The following SLC25A42 variants were observed in gnomAD, a reference collection of about 807,000 sequenced individuals.
SLC25A42 encodes the protein solute carrier family 25 member 42.
SLC25A42 carries 19 observed loss-of-function variants against 34.7 expected under a neutral mutation model. That is an observed-to-expected ratio of 0.55 (90% CI 0.38 to 0.80). The LOEUF is 0.80. Among genes scored for constraint, SLC25A42 ranks in the 30% least tolerant of loss-of-function variants. The pLI is 0.00. For missense variants in SLC25A42, 364 were observed against 441.3 expected (o/e 0.82, Z 1.57); for synonymous variants, 205 against 191.2 (o/e 1.07, Z -0.59).
intron 1 of SLC25A42, among the ~76,000 whole-genome samples, chr19:19,072,151 C>A (rs765161442): frequency 6.6e-6 from 1 of 152,076 alleles, no homozygotes; most frequent in South Asian, 2.1e-4. Flanking sequence ...CTGTGCCTGG[C>A]GAATGTGTAC....
At chr19:19,065,891 C>G (rs2059599606) in intron 1 of SLC25A42, among the ~76,000 whole-genome samples, 1 of 152,122 alleles carries the variant, frequency 6.6e-6, no homozygotes, top group African/African-American at 2.4e-5. Context: ...GAGTCTTGCT[C>G]TGTTGCCCAG....
chr19:19,070,499 C>T (rs8103431), intron 1 of SLC25A42, among the ~76,000 whole-genome samples: 126,579 of 151,770 alleles, frequency 0.83, 52,889 homozygotes, highest in East Asian at 0.89. Context: ...GGTTTTGCCA[C>T]GTTGGCCAGG....
At chr19:19,066,978 C>T (rs2059605921) in intron 1 of SLC25A42, among the ~76,000 whole-genome samples, 1 of 145,300 alleles carries the variant, frequency 6.9e-6, no homozygotes, top group African/African-American at 2.6e-5. Flanking sequence ...AATCATGCCA[C>T]TGCACTCCTC....
chr19:19,106,662 G>T, intron 6 of SLC25A42: 1 of 202,392 alleles, frequency 4.9e-6, no homozygotes. Flanking sequence ...GCCGGGCACG[G>T]TGGCTCACGC....
chr19:19,101,611 G>C (rs1480700317), intron 2 of SLC25A42, among the ~76,000 whole-genome samples, 170 bp from the exon 3 acceptor site: 1 of 152,200 alleles, frequency 6.6e-6, no homozygotes, highest in African/African-American at 2.4e-5. Flanking sequence ...AGGCTCTGTG[G>C]CCTGTGGACC....
chr19:19,110,454 T>G (rs1295659464), intron 7 of SLC25A42, 115 bp from the exon 8 acceptor site: 2 of 773,720 alleles, frequency 2.6e-6, no homozygotes, highest in Non-Finnish European at 3.7e-6. Context: ...GGGGTGCAAG[T>G]GCATGTGTGT....
chr19:19,103,670 C>T (rs1284341273), intron 3 of SLC25A42, among the ~76,000 whole-genome samples: 1 of 152,160 alleles, frequency 6.6e-6, no homozygotes, highest in Non-Finnish European at 1.5e-5. Flanking sequence ...TGCCTAGGGC[C>T]CAGAAGCAAG....
chr19:19,106,287 T>G lies in SLC25A42; in HGVS notation c.399T>G (p.Pro133=). ...GFRGEALPPW[P]RLFAGALAGT... is the part of the protein sequence containing the mutation. ...TGTTCAGAGCCCTGCCCCCTTGGCC[T>G]CGCCTCTTCGCCGGCGCACTGGCTG... The change falls in exon 6 of 8, where the codon CCT becomes CCG. Residue 133 remains proline (P), a synonymous_variant. Transcript: ENST00000318596. 1 of 1,612,520 alleles carries G rather than the reference T, an allele frequency of 6.2e-7. No homozygotes were observed. The highest frequency in any genetic ancestry group is 1.7e-5 in the Admixed American group (1 of 60,014).
chr19:19,106,162 C>T, intron 5 of SLC25A42, 107 bp from the exon 6 acceptor site: 1 of 948,762 alleles, frequency 1.1e-6, no homozygotes, highest in South Asian at 1.5e-5. Flanking sequence ...CCTCGGTCCC[C>T]ACCCCTGTCC....
intron 1 of SLC25A42, among the ~76,000 whole-genome samples, chr19:19,091,722 A>G (rs1197026856): frequency 2.0e-5 from 3 of 152,084 alleles, no homozygotes; most frequent in Non-Finnish European, 4.4e-5. Context: ...ACAGAAAATT[A>G]AAAACTTAGC....
chr19:19,079,047 A>AT (rs2059668928), intron 1 of SLC25A42, among the ~76,000 whole-genome samples: 1 of 149,744 alleles, frequency 6.7e-6, no homozygotes, highest in Non-Finnish European at 1.5e-5. Flanking sequence ...TTTTTAGACA[A>AT]TTTTTTATTT....
Position 19,107,876 on chromosome 19 carries a change from G to A in SLC25A42, c.498-18G>A, listed in dbSNP as rs768132807. Reference sequence around the variant, plus strand: ...GGGAGGCCTGAGTCCCACCTGCTGGGCTGCTCTGTCCTGGCAGGTACAGCA... The same window carrying A: ...GGGAGGCCTGAGTCCCACCTGCTGGACTGCTCTGTCCTGGCAGGTACAGCA... On this transcript the variant is annotated intron_variant, in intron 6 of 7. Coordinates refer to ENST00000318596, the MANE Select transcript of SLC25A42 (RefSeq NM_178526.5). The A allele has an allele frequency of 5.0e-6, 8 of 1,613,698 alleles. No homozygotes were observed. The highest frequency in any genetic ancestry group is 6.8e-6 in the Non-Finnish European group (8 of 1,179,892).
At chr19:19,092,847 G>T (rs2145913516) in intron 1 of SLC25A42, among the ~76,000 whole-genome samples, 1 of 152,296 alleles carries the variant, frequency 6.6e-6, no homozygotes, top group East Asian at 1.9e-4. Flanking sequence ...AGCCCCCAGG[G>T]TCTGTAGCGG....
rs766278588 is a variant in SLC25A42 at position 19,106,302 on chromosome 19, C to G, written c.414C>G (p.Gly138=). The change falls in exon 6 of 8, where the codon GGC becomes GGG. Residue 138 remains glycine (G), a synonymous_variant. Transcript: ENST00000318596. ...CCCCTTGGCCTCGCCTCTTCGCCGG[C>G]GCACTGGCTGGAACGACAGCCGCTT... ...ALPPWPRLFA[G]ALAGTTAASL... 1.9e-6 allele frequency: 3 copies of G among 1,613,194 alleles called. No individual in the cohort carries two copies. Among genetic ancestry groups the G allele is most frequent in the Non-Finnish European group, 2.5e-6 (3 of 1,179,950 alleles).
chr19:19,071,291 G>A (rs1472514350), intron 1 of SLC25A42, among the ~76,000 whole-genome samples: 1 of 152,120 alleles, frequency 6.6e-6, no homozygotes, highest in Non-Finnish European at 1.5e-5. Flanking sequence ...AGAGGTGTAA[G>A]CCGCCACGCC....
rs1044673666 is a variant in SLC25A42 at position 19,106,470 on chromosome 19, G to A, written c.497+85G>A. The A allele has an allele frequency of 1.2e-5, 14 of 1,139,054 alleles. No individual in the cohort carries two copies. The African/African-American group carries it at 2.0e-4, about 17-fold the overall frequency. 70.6% of individuals were successfully genotyped at this position (1,139,054 alleles called of 1,614,324 possible). On this transcript the variant is annotated intron_variant, in intron 6 of 7. Transcript: ENST00000318596. ...CAGGTCGGAATCCCTCTCTCTATCG[G>A]GCCCCAGGGGTTTGCATCTGGGCCT...
intron 1 of SLC25A42, among the ~76,000 whole-genome samples, chr19:19,066,706 C>T (rs1314420059): frequency 6.6e-6 from 1 of 152,114 alleles, no homozygotes; most frequent in African/African-American, 2.4e-5. Flanking sequence ...CTGCCTCGGT[C>T]TCCCAAAGTG....
chr19:19,107,886 C>A lies in SLC25A42; in HGVS notation c.498-8C>A, dbSNP rs2059841005. The stretch of plus-strand genomic sequence containing the variant: ...AGTCCCACCTGCTGGGCTGCTCTGT[C>A]CTGGCAGGTACAGCAACATCTTTCA... On this transcript the variant is annotated splice_polypyrimidine_tract_variant and splice_region_variant and intron_variant, in intron 6 of 7. Transcript: ENST00000318596. 6.2e-7 allele frequency: 1 copy of A among 1,613,970 alleles called. No homozygotes were observed. The highest frequency in any genetic ancestry group is 2.2e-5 in the East Asian group (1 of 44,860).
At chr19:19,099,613 C>T (rs541173486) in intron 2 of SLC25A42, among the ~76,000 whole-genome samples, 1 of 152,290 alleles carries the variant, frequency 6.6e-6, no homozygotes, top group Admixed American at 6.5e-5. Flanking sequence ...CAACCATGCT[C>T]AGTCTGACTC....
Sources: gnomAD v4.1 joint callset for allele counts (sites outside exome capture counted in the v4.1 genomes callset) on GRCh38, gnomAD v4.1.1 for gene constraint, MANE v1.5 for transcripts, NCBI Gene and HGNC (gene_info 2026-07-23, HGNC 2026-07-21) for gene names.